Variants in SULT4A1 observed in about 807,000 individuals in gnomAD.
SULT4A1 encodes sulfotransferase family 4A member 1.
Under a neutral mutation model 35.2 loss-of-function variants are expected in SULT4A1, and 11 were observed. That is an observed-to-expected ratio of 0.31 (90% CI 0.20 to 0.52). The LOEUF (loss-of-function observed/expected upper bound fraction) is 0.52. Among genes scored for constraint, SULT4A1 ranks in the 20% least tolerant of loss-of-function variants. The pLI, the probability that SULT4A1 is intolerant of heterozygous loss-of-function variation, is 0.97. For synonymous variants in SULT4A1, 152 were observed against 151.8 expected (o/e 1.00, Z -0.01); for missense variants, 271 against 383.7 (o/e 0.71, Z 2.45).
At chr22:43,850,205 C>A (rs967248807) in intron 1 of SULT4A1, among the ~76,000 whole-genome samples, 1 of 152,192 alleles carries the variant, frequency 6.6e-6, no homozygotes, top group African/African-American at 2.4e-5. Flanking sequence ...ATTATTTTTA[C>A]CCTCAAATTT....
At chr22:43,837,637 G>T (rs1362291840) in intron 4 of SULT4A1, among the ~76,000 whole-genome samples, 1 of 152,168 alleles carries the variant, frequency 6.6e-6, no homozygotes, top group African/African-American at 2.4e-5. Flanking sequence ...GGAAGCAGAG[G>T]CTCAAGGGCA....
In SULT4A1 at chr22:43,839,932, G is replaced by A; in HGVS notation, c.381+13C>T. 1 of 1,600,692 alleles carries A rather than the reference G, an allele frequency of 6.2e-7. No individual in the cohort carries two copies. The highest frequency in any genetic ancestry group is 1.1e-5 in the South Asian group (1 of 88,352). ...GGGACTCATCTCGGGAGGCAGAGGA[G>A]GTGCCAGCTTACCTTGGAGTCTCCA... On this transcript the variant is annotated intron_variant, in intron 3 of 6. Coordinates refer to ENST00000330884, the MANE Select transcript of SULT4A1 (RefSeq NM_014351.4).
chr22:43,833,257 G>A (rs539617621), intron 5 of SULT4A1, among the ~76,000 whole-genome samples: 19 of 152,172 alleles, frequency 1.2e-4, no homozygotes, highest in African/African-American at 4.6e-4. Flanking sequence ...AGTCTCTTCT[G>A]TGGTGACCCA....
In SULT4A1 at chr22:43,846,990, G is replaced by A. The variant is rs1030640360; in HGVS notation, c.170-5058C>T. Among the ~76,000 whole-genome samples, 3 of 152,218 alleles carry A rather than the reference G, an allele frequency of 2.0e-5. No homozygotes were observed. The South Asian group carries it at 6.2e-4, about 32-fold the overall frequency. On this transcript the variant is annotated intron_variant, in intron 1 of 6. Coordinates refer to ENST00000330884, the MANE Select transcript of SULT4A1 (RefSeq NM_014351.4). The stretch of plus-strand genomic sequence containing the variant: ...AATATCGGCCACTTCAGTTCCACAA[G>A]TCCCGTCCTCACCCCCATTAAATAT...
At chr22:43,829,573 T>C (rs2063310672) in intron 5 of SULT4A1, among the ~76,000 whole-genome samples, 1 of 152,222 alleles carries the variant, frequency 6.6e-6, no homozygotes, top group Non-Finnish European at 1.5e-5. Flanking sequence ...GCCTGTCAGC[T>C]GGCGTCTGGG....
At chr22:43,859,433 C>A (rs1047422890) in intron 1 of SULT4A1, among the ~76,000 whole-genome samples, 1 of 152,224 alleles carries the variant, frequency 6.6e-6, no homozygotes, top group African/African-American at 2.4e-5. Context: ...CTGGCTGAGC[C>A]AGGGACCGTA....
intron 1 of SULT4A1, among the ~76,000 whole-genome samples, chr22:43,848,094 C>G (rs564207981): frequency 6.6e-6 from 1 of 152,060 alleles, no homozygotes; most frequent in Non-Finnish European, 1.5e-5. Context: ...ACCCACCCAG[C>G]GAGCCTTTTA....
At chr22:43,826,965 C>T in intron 6 of SULT4A1, 1 of 985,408 alleles carries the variant, frequency 1.0e-6, no homozygotes, top group Non-Finnish European at 1.2e-6. Flanking sequence ...TTTATGAAGG[C>T]TTTGGAAAAA....
In SULT4A1 at chr22:43,840,033, G is replaced by A. The variant is rs1315972581; in HGVS notation, c.301-8C>T. The A allele has an allele frequency of 5.6e-6, 9 of 1,594,884 alleles. No homozygotes were observed. Among genetic ancestry groups the A allele is most frequent in the African/African-American group, 1.3e-5 (1 of 74,328 alleles). On this transcript the variant is annotated splice_region_variant and splice_polypyrimidine_tract_variant and intron_variant, in intron 2 of 6. Transcript: ENST00000330884. ...GCGGGGAGAGGTCAGTTCCTGCGTG[G>A]AGTCAGAGGGAGAGGCAGGTCAGAG...
chr22:43,855,802 C>T (rs113571133), intron 1 of SULT4A1, among the ~76,000 whole-genome samples: 2,333 of 151,916 alleles, frequency 0.015, 61 homozygotes, highest in African/African-American at 0.054. Context: ...GCTGCCCCCA[C>T]ACTAACAGGG....
chr22:43,826,155 C>G (rs747356423), intron 6 of SULT4A1, 42 bp from the exon 7 acceptor site: 1 of 1,609,720 alleles, frequency 6.2e-7, no homozygotes, highest in South Asian at 1.1e-5. Flanking sequence ...ACTTGCTGTC[C>G]GGCCAGCTAC....
chr22:43,829,110 T>A lies in SULT4A1; in HGVS notation c.692A>T (p.His231Leu). The A allele has an allele frequency of 6.4e-7, 1 of 1,554,128 alleles. No homozygotes were observed. The highest frequency in any genetic ancestry group is 8.7e-7 in the Non-Finnish European group (1 of 1,148,746). ...GTTGCAGCACTGGTCCACCAGCTGGTGGCAGTGCTCCGTCAGGGCTTCCAG... is the reference window on the plus strand; with the variant it reads ...GTTGCAGCACTGGTCCACCAGCTGGAGGCAGTGCTCCGTCAGGGCTTCCAG... ...AQLEALTEHC[H>L]QLVDQCCNAE... Residue 231 changes from histidine (H) to leucine (L), a missense_variant, in exon 6 of 7, where the codon CAC becomes CTC. By Grantham distance (99) the His-to-Leu change is moderately conservative. This residue lies in a region of SULT4A1 where 75 missense variants were observed against 67.7 expected (regional missense o/e 1.11). Coordinates refer to ENST00000330884, the MANE Select transcript of SULT4A1 (RefSeq NM_014351.4).
intron 4 of SULT4A1, among the ~76,000 whole-genome samples, chr22:43,834,242 T>C (rs942020451): frequency 6.6e-6 from 1 of 151,978 alleles, no homozygotes; most frequent in African/African-American, 2.4e-5. Flanking sequence ...CAGGGAGTCC[T>C]GTCCTGACCT....
chr22:43,835,978 CCTCCACGCTTTTCCCTGGG>C (rs1370171107), intron 4 of SULT4A1, among the ~76,000 whole-genome samples: 1 of 152,242 alleles, frequency 6.6e-6, no homozygotes, highest in Non-Finnish European at 1.5e-5. Context: ...ACGCCGGGCC[CCTCCACGCTTTTCCCTGGG>C]CTCCACGCTG....
chr22:43,859,869 C>A (rs964947495), intron 1 of SULT4A1, among the ~76,000 whole-genome samples: 2 of 152,188 alleles, frequency 1.3e-5, no homozygotes, highest in Non-Finnish European at 2.9e-5. Context: ...CATTTTAATT[C>A]ATTAGATGTA....
chr22:43,848,717 T>C (rs2063491993), intron 1 of SULT4A1, among the ~76,000 whole-genome samples: 1 of 152,168 alleles, frequency 6.6e-6, no homozygotes, highest in Admixed American at 6.5e-5. Flanking sequence ...ACTGGGCCCC[T>C]TGCAGAGCAG....
intron 1 of SULT4A1, among the ~76,000 whole-genome samples, chr22:43,856,661 G>C (rs1042463674): frequency 1.2e-4 from 18 of 152,180 alleles, no homozygotes; most frequent in Non-Finnish European, 4.4e-5. Flanking sequence ...GGTGGAGGTG[G>C]AGCAGGAACA....
intron 5 of SULT4A1, among the ~76,000 whole-genome samples, chr22:43,831,288 C>CGGCAGCTGCCCCCGAGATGTGTG (rs146034627): frequency 0.19 from 28,917 of 151,232 alleles, 3,463 homozygotes; most frequent in East Asian, 0.46. Flanking sequence ...ACTGCTGACC[C>CGGCAGCTGCCCCCGAGATGTGTG]GGCAGCTGCC....
intron 6 of SULT4A1, 45 bp from the exon 7 acceptor site, chr22:43,826,158 C>A (rs2148273987): frequency 6.2e-7 from 1 of 1,609,824 alleles, no homozygotes; most frequent in East Asian, 2.2e-5. Context: ...TGCTGTCCGG[C>A]CAGCTACTGA....
Sources: allele counts gnomAD v4.1 joint callset (sites outside exome capture counted in the v4.1 genomes callset), GRCh38; gene constraint gnomAD v4.1.1; regional missense constraint gnomAD v4.1.1; transcripts MANE v1.5; gene names NCBI Gene and HGNC (gene_info 2026-07-23, HGNC 2026-07-21).